CCDC85A: variants seen among roughly 807,000 people sequenced by gnomAD.
CCDC85A encodes the protein coiled-coil domain-containing protein 85A.
CCDC85A carries 38 observed loss-of-function variants against 50.2 expected under a neutral mutation model. That is an observed-to-expected ratio of 0.76 (90% CI 0.58 to 0.99). The LOEUF (loss-of-function observed/expected upper bound fraction) is 0.99, where lower values mean the gene tolerates loss of function less well. Among genes scored for constraint, CCDC85A ranks in the 50% least tolerant of loss-of-function variants. CCDC85A has a pLI of 0.00. For synonymous variants in CCDC85A, 366 were observed against 301.4 expected (o/e 1.21, Z -2.22); for missense variants, 820 against 742.0 (o/e 1.11, Z -1.22).
chr2:56,189,881 A>T (rs560432805), intron 1 of CCDC85A, among the ~76,000 whole-genome samples: 23 of 152,226 alleles, frequency 1.5e-4, no homozygotes, highest in Admixed American at 7.2e-4. Context: ...AAAGGCAGGG[A>T]GGCTGCCTGG....
chr2:56,291,190 T>C (rs892179331), intron 2 of CCDC85A, among the ~76,000 whole-genome samples: 2 of 152,208 alleles, frequency 1.3e-5, no homozygotes, highest in Admixed American at 1.3e-4. Flanking sequence ...TAAGAAAAAC[T>C]TGATGTCTTA....
At chr2:56,300,943 G>C (rs1292208264) in intron 2 of CCDC85A, among the ~76,000 whole-genome samples, 1 of 152,166 alleles carries the variant, frequency 6.6e-6, no homozygotes, top group African/African-American at 2.4e-5. Context: ...AAACTCCGAA[G>C]TTTAGTCTTA....
chr2:56,217,343 G>A (rs891242325), intron 2 of CCDC85A, among the ~76,000 whole-genome samples: 1 of 151,862 alleles, frequency 6.6e-6, no homozygotes, highest in Non-Finnish European at 1.5e-5. Flanking sequence ...TATTTCCTCT[G>A]ATGTTGGAGG....
At chr2:56,288,439 G>GT (rs1437481867) in intron 2 of CCDC85A, among the ~76,000 whole-genome samples, 1 of 151,946 alleles carries the variant, frequency 6.6e-6, no homozygotes, top group Non-Finnish European at 1.5e-5. Context: ...CTAGTTTAAT[G>GT]TTTTTGATTG....
chr2:56,319,614 T>C (rs1391375729), intron 2 of CCDC85A, among the ~76,000 whole-genome samples: 2 of 152,100 alleles, frequency 1.3e-5, no homozygotes, highest in African/African-American at 4.8e-5. Context: ...GACACCACAA[T>C]GATGCTGAAT....
intron 1 of CCDC85A, among the ~76,000 whole-genome samples, chr2:56,186,398 A>G (rs754510759): frequency 5.9e-5 from 9 of 152,246 alleles, no homozygotes; most frequent in Non-Finnish European, 1.2e-4. Context: ...CAATGCAATG[A>G]TAATAACTTT....
At chr2:56,238,455 T>A (rs1013886436) in intron 2 of CCDC85A, among the ~76,000 whole-genome samples, 1 of 152,082 alleles carries the variant, frequency 6.6e-6, no homozygotes, top group African/African-American at 2.4e-5. Context: ...GTTCATTTTT[T>A]TAAATTAAAA....
chr2:56,358,581 C>T (rs1265518763), intron 3 of CCDC85A, among the ~76,000 whole-genome samples: 2 of 152,150 alleles, frequency 1.3e-5, no homozygotes, highest in Non-Finnish European at 2.9e-5. Context: ...CTACTCACAT[C>T]CTGCCATTGT....
intron 2 of CCDC85A, among the ~76,000 whole-genome samples, chr2:56,243,518 A>T (rs1294884288): frequency 6.6e-6 from 1 of 151,990 alleles, no homozygotes; most frequent in Non-Finnish European, 1.5e-5. Context: ...AATTTATCTG[A>T]TAGAATTTTG....
chr2:56,365,193 C>T (rs1050187449), intron 3 of CCDC85A, among the ~76,000 whole-genome samples: 11 of 152,194 alleles, frequency 7.2e-5, no homozygotes, highest in Admixed American at 7.2e-4. Flanking sequence ...AAGCTGCTTA[C>T]TACGTCCACT....
intron 1 of CCDC85A, among the ~76,000 whole-genome samples, chr2:56,186,168 A>G (rs923520405): frequency 1.3e-5 from 2 of 152,196 alleles, no homozygotes; most frequent in Non-Finnish European, 2.9e-5. Context: ...GCAGGTAGGA[A>G]GATTCCTCCA....
At chr2:56,185,794 T>C (rs1676001998) in intron 1 of CCDC85A, 1 of 152,370 alleles carries the variant, frequency 6.6e-6, no homozygotes. Context: ...GGAACCGCCC[T>C]GCTGGCGAGC....
chr2:56,342,605 T>G (rs1457576558), intron 2 of CCDC85A, among the ~76,000 whole-genome samples: 1 of 152,240 alleles, frequency 6.6e-6, no homozygotes, highest in East Asian at 1.9e-4. Flanking sequence ...CTGTATAGAA[T>G]CTTAATACTA....
intron 2 of CCDC85A, among the ~76,000 whole-genome samples, chr2:56,268,340 G>C (rs553727481): frequency 8.1e-4 from 123 of 152,228 alleles, no homozygotes; most frequent in African/African-American, 2.9e-3. Context: ...GCTCACACCT[G>C]TAATCCCAGC....
In CCDC85A at chr2:56,241,497, G is replaced by T. The variant is rs184762058; in HGVS notation, c.1240+48057G>T. Among the ~76,000 whole-genome samples the T allele has an allele frequency of 1.1e-4, 16 of 151,930 alleles. No individual in the cohort carries two copies. In the East Asian group the frequency reaches 3.1e-3, roughly 29 times the overall value. The stretch of plus-strand genomic sequence containing the variant: ...ACCACATCCCCCATTATCTTTCTGG[G>T]CCTCTGATACCCATTGTTCTATTCT... On this transcript the variant is annotated intron_variant, in intron 2 of 5. Transcript: ENST00000407595.
At chr2:56,340,460 A>AC (rs1264967438) in intron 2 of CCDC85A, among the ~76,000 whole-genome samples, 2 of 152,160 alleles carry the variant, frequency 1.3e-5, no homozygotes, top group Non-Finnish European at 2.9e-5. Context: ...TGGAAGTGTT[A>AC]CCAGTAGCGA....
chr2:56,354,524 G>A (rs1675123764), intron 3 of CCDC85A, among the ~76,000 whole-genome samples: 1 of 152,174 alleles, frequency 6.6e-6, no homozygotes, highest in South Asian at 2.1e-4. Flanking sequence ...AGTGGATGAG[G>A]CCTTTCTTTA....
intron 2 of CCDC85A, among the ~76,000 whole-genome samples, chr2:56,325,123 C>A (rs1673400860): frequency 6.6e-6 from 1 of 151,900 alleles, no homozygotes; most frequent in African/African-American, 2.4e-5. Context: ...TTTTATAATA[C>A]AGCACATAAT....
intron 3 of CCDC85A, among the ~76,000 whole-genome samples, chr2:56,356,036 T>G (rs1327635850): frequency 6.6e-6 from 1 of 152,208 alleles, no homozygotes; most frequent in Non-Finnish European, 1.5e-5. Flanking sequence ...AGGGGGATAA[T>G]TTTTTTAATT....
Sources: allele counts gnomAD v4.1 joint callset (sites outside exome capture counted in the v4.1 genomes callset), GRCh38; gene constraint gnomAD v4.1.1; transcripts MANE v1.5; gene names NCBI Gene and HGNC (gene_info 2026-07-23, HGNC 2026-07-21).